The following CSGALNACT1 variants were observed in gnomAD, a reference collection of about 807,000 sequenced individuals.
CSGALNACT1 encodes chondroitin sulfate N-acetylgalactosaminyltransferase 1.
CSGALNACT1 carries 52 observed loss-of-function variants against 51.0 expected under a neutral mutation model. That is an observed-to-expected ratio of 1.02 (90% CI 0.82 to 1.29). The LOEUF is 1.29. Ranked by LOEUF, CSGALNACT1 falls within the 50% of genes most tolerant of loss-of-function variation. The pLI, the probability that CSGALNACT1 is intolerant of heterozygous loss-of-function variation, is 0.00. For missense variants in CSGALNACT1, 935 were observed against 679.2 expected (o/e 1.38, Z -4.19); for synonymous variants, 341 against 254.4 (o/e 1.34, Z -3.24).
At chr8:19,677,285 A>AT (rs2060265008) in intron 1 of CSGALNACT1, among the ~76,000 whole-genome samples, 1 of 152,036 alleles carries the variant, frequency 6.6e-6, no homozygotes, top group Non-Finnish European at 1.5e-5. Context: ...ATTTTTTTAT[A>AT]TCTTTTACAG....
At chr8:19,645,118 C>T (rs907164896) in intron 1 of CSGALNACT1, among the ~76,000 whole-genome samples, 22 of 152,156 alleles carry the variant, frequency 1.4e-4, no homozygotes, top group African/African-American at 5.3e-4. Flanking sequence ...CAGAGCAAAA[C>T]ATTATAATTA....
intron 4 of CSGALNACT1, among the ~76,000 whole-genome samples, chr8:19,498,258 G>A (rs925357070): frequency 1.3e-5 from 2 of 152,116 alleles, no homozygotes; most frequent in Admixed American, 1.3e-4. Context: ...CAAAACAGCT[G>A]GGGACATTCT....
intron 1 of CSGALNACT1, among the ~76,000 whole-genome samples, chr8:19,628,527 T>A (rs1176017258): frequency 6.6e-6 from 1 of 152,224 alleles, no homozygotes; most frequent in Non-Finnish European, 1.5e-5. Flanking sequence ...CACTGCATTT[T>A]ACAGATCGGG....
At chr8:19,631,160 G>A (rs1317113839) in intron 1 of CSGALNACT1, among the ~76,000 whole-genome samples, 3 of 152,136 alleles carry the variant, frequency 2.0e-5, no homozygotes, top group South Asian at 2.1e-4. Flanking sequence ...GTTGCTATAA[G>A]CATTTCATGA....
At chr8:19,507,968 G>C (rs2077699753) in intron 3 of CSGALNACT1, among the ~76,000 whole-genome samples, 1 of 152,194 alleles carries the variant, frequency 6.6e-6, no homozygotes, top group African/African-American at 2.4e-5. Context: ...TCACAAACAA[G>C]ATCCCTGAGG....
chr8:19,424,543 G>A (rs1026694149), intron 6 of CSGALNACT1, among the ~76,000 whole-genome samples: 1 of 152,048 alleles, frequency 6.6e-6, no homozygotes, highest in Admixed American at 6.5e-5. Context: ...AAACCTCCTG[G>A]GCCTAGAAGT....
rs76153599 is a variant in CSGALNACT1 at position 19,691,900 on chromosome 8, TG to T, written c.-297+65949del. ...CTACTGTATTGCACCGTTTTCACAC[TG>T]CTACAAAGAACTGCCCAAGACTGGG... On this transcript the variant is annotated intron_variant, in intron 1 of 1. Transcript: ENST00000517494. Among the ~76,000 whole-genome samples, 463 of 97,220 alleles carry T rather than the reference TG, an allele frequency of 4.8e-3. 16 individuals carry two copies. The East Asian group carries it at 0.059, about 12-fold the overall frequency. 63.8% of individuals were successfully genotyped at this position (97,220 alleles called of 152,430 possible).
At chr8:19,567,301 T>G (rs2042091362) in intron 3 of CSGALNACT1, among the ~76,000 whole-genome samples, 1 of 152,204 alleles carries the variant, frequency 6.6e-6, no homozygotes, top group South Asian at 2.1e-4. Flanking sequence ...CCAGCAGTCG[T>G]TAGCCAGGAA....
chr8:19,548,832 T>G (rs924927198), intron 3 of CSGALNACT1, among the ~76,000 whole-genome samples: 2 of 152,162 alleles, frequency 1.3e-5, no homozygotes, highest in Non-Finnish European at 1.5e-5. Flanking sequence ...GCTTATCCCT[T>G]TATTTGAGAG....
At chr8:19,540,906 T>C (rs538787313) in intron 3 of CSGALNACT1, among the ~76,000 whole-genome samples, 3 of 152,220 alleles carry the variant, frequency 2.0e-5, no homozygotes, top group African/African-American at 4.8e-5. Flanking sequence ...TGCCCTGAGG[T>C]AGCACTCCTC....
intron 3 of CSGALNACT1, among the ~76,000 whole-genome samples, chr8:19,523,734 G>A (rs886941543): frequency 6.6e-5 from 10 of 152,148 alleles, no homozygotes; most frequent in African/African-American, 2.2e-4. Context: ...AATTATCACA[G>A]GAGACAAACC....
At chr8:19,750,348 A>T (rs1431306588) in intron 1 of CSGALNACT1, among the ~76,000 whole-genome samples, 4 of 152,132 alleles carry the variant, frequency 2.6e-5, no homozygotes, top group African/African-American at 9.7e-5. Context: ...ACGACATTCT[A>T]AAGGAACTGA....
chr8:19,404,451 A>C (rs2053762331), exon 10 of CSGALNACT1: 1 of 453,234 alleles, frequency 2.2e-6, no homozygotes, highest in Admixed American at 2.4e-5. Flanking sequence ...ATAGTTTGAA[A>C]TGGTAATAAA....
intron 5 of CSGALNACT1, among the ~76,000 whole-genome samples, chr8:19,452,612 T>C (rs756886533): frequency 1.3e-5 from 2 of 152,150 alleles, no homozygotes; most frequent in African/African-American, 2.4e-5. Flanking sequence ...CTTTTTCCTC[T>C]GACTGGTAGG....
intron 8 of CSGALNACT1, among the ~76,000 whole-genome samples, chr8:19,415,198 T>G (rs2056633413): frequency 6.6e-6 from 1 of 152,186 alleles, no homozygotes; most frequent in Admixed American, 6.5e-5. Context: ...GGAAACACTC[T>G]CACAAATTAC....
At chr8:19,463,624 T>G (rs2066032829) in intron 4 of CSGALNACT1, among the ~76,000 whole-genome samples, 1 of 152,216 alleles carries the variant, frequency 6.6e-6, no homozygotes, top group Non-Finnish European at 1.5e-5. Context: ...AACATCTTCC[T>G]TGTCATCTTG....
In CSGALNACT1 at chr8:19,418,350, AAG is replaced by A. The variant is rs761955433; in HGVS notation, c.1227+304_1227+305del. On this transcript the variant is annotated intron_variant, in intron 8 of 9. Coordinates refer to ENST00000454498, the Ensembl canonical transcript of CSGALNACT1. Reference sequence around the variant, plus strand: ...TACCTTGTAGGATTTTGCAAAAATCAAGAGAAACTGTACTGCATCCATAATGC... The same window carrying A: ...TACCTTGTAGGATTTTGCAAAAATCAAGAAACTGTACTGCATCCATAATGC... 3.9e-5 allele frequency among the ~76,000 whole-genome samples: 6 copies of A among 152,342 alleles called. No homozygotes were observed. In the East Asian group the frequency reaches 1.2e-3, roughly 29 times the overall value.
chr8:19,457,892 T>C (rs2064459186), intron 5 of CSGALNACT1: 1 of 912,606 alleles, frequency 1.1e-6, no homozygotes, highest in Non-Finnish European at 1.6e-6. Context: ...GGTATAATTC[T>C]ACACTTAAGT....
At chr8:19,469,956 TG>T (rs2067727561) in intron 4 of CSGALNACT1, among the ~76,000 whole-genome samples, 1 of 152,132 alleles carries the variant, frequency 6.6e-6, no homozygotes, top group African/African-American at 2.4e-5. Context: ...GGAAGGTGCT[TG>T]GCTAAAAAGG....
Sources: gnomAD v4.1 joint callset for allele counts (sites outside exome capture counted in the v4.1 genomes callset) on GRCh38, gnomAD v4.1.1 for gene constraint, MANE v1.5 for transcripts, NCBI Gene and HGNC (gene_info 2026-07-23, HGNC 2026-07-21) for gene names.